Variants in ST18 observed in about 807,000 individuals in gnomAD.
ST18 encodes the protein suppression of tumorigenicity 18 protein.
In ST18, 50 loss-of-function variants were observed where a neutral mutation model predicts 110.0. That is an observed-to-expected ratio of 0.45 (90% CI 0.36 to 0.58). The LOEUF (loss-of-function observed/expected upper bound fraction) is 0.58, where lower values mean the gene tolerates loss of function less well. Among genes scored for constraint, ST18 ranks in the 20% least tolerant of loss-of-function variants. The pLI is 0.00. For missense variants in ST18, 1,306 were observed against 1,280.1 expected (o/e 1.02, Z -0.31); for synonymous variants, 461 against 452.4 (o/e 1.02, Z -0.24).
At chr8:52,311,821 TG>T (rs1199219188) in intron 2 of ST18, among the ~76,000 whole-genome samples, 1 of 152,048 alleles carries the variant, frequency 6.6e-6, no homozygotes, top group Non-Finnish European at 1.5e-5. Context: ...CCTCGACATG[TG>T]GGGATTAGGG....
At chr8:52,406,040 G>T (rs902129996) in intron 2 of ST18, 1 of 152,290 alleles carries the variant, frequency 6.6e-6, no homozygotes, top group East Asian at 1.9e-4. Flanking sequence ...TTTGCAGGCT[G>T]TCCATATTAT....
At chr8:52,288,561 G>A (rs747496435) in intron 2 of ST18, among the ~76,000 whole-genome samples, 19 of 151,738 alleles carry the variant, frequency 1.3e-4, no homozygotes, top group Non-Finnish European at 1.9e-4. Flanking sequence ...TTAGCTGGGC[G>A]TGGCGGCACT....
At chr8:52,162,799 T>C (rs2061806272) in intron 13 of ST18, among the ~76,000 whole-genome samples, 2 of 152,184 alleles carry the variant, frequency 1.3e-5, no homozygotes, top group Non-Finnish European at 1.5e-5. Context: ...TTTCAAAATT[T>C]AACAATATTA....
At chr8:52,171,633 G>T (rs982984494) in intron 10 of ST18, 159 bp downstream of exon 10, 12 of 814,652 alleles carry the variant, frequency 1.5e-5, no homozygotes, top group Middle Eastern at 4.4e-4. Flanking sequence ...TCTAGAGAGT[G>T]GGGGAAAAGA....
chr8:52,308,529 A>G (rs2095850339), intron 2 of ST18, among the ~76,000 whole-genome samples: 1 of 152,198 alleles, frequency 6.6e-6, no homozygotes, highest in Admixed American at 6.5e-5. Context: ...TGTTCTCTCC[A>G]TTCTGCTCTT....
chr8:52,212,291 C>T (rs112150641), intron 7 of ST18, among the ~76,000 whole-genome samples, 182 bp from the exon 8 acceptor site: 116 of 152,198 alleles, frequency 7.6e-4, no homozygotes, highest in African/African-American at 2.4e-3. Flanking sequence ...CAGAACAGAC[C>T]GGCTGTGGGT....
chr8:52,297,285 T>A (rs2095650206), intron 2 of ST18, among the ~76,000 whole-genome samples: 2 of 152,170 alleles, frequency 1.3e-5, no homozygotes, highest in Non-Finnish European at 2.9e-5. Flanking sequence ...CCTTTCCTCA[T>A]CTCTAAAACG....
chr8:52,227,578 C>T (rs1240573230), intron 3 of ST18, among the ~76,000 whole-genome samples: 1 of 152,102 alleles, frequency 6.6e-6, no homozygotes, highest in East Asian at 1.9e-4. Context: ...GCATTAAAGC[C>T]ATATTTTTAT....
intron 2 of ST18, among the ~76,000 whole-genome samples, chr8:52,255,512 CT>C (rs2094498107): frequency 6.6e-6 from 1 of 152,116 alleles, no homozygotes; most frequent in Non-Finnish European, 1.5e-5. Flanking sequence ...AAATATTTTC[CT>C]GAAAACTGTT....
chr8:52,329,684 G>A (rs1306050433), intron 2 of ST18, among the ~76,000 whole-genome samples: 1 of 152,104 alleles, frequency 6.6e-6, no homozygotes, highest in Non-Finnish European at 1.5e-5. Context: ...GAACCCAGGA[G>A]GCAGAGGTTG....
intron 2 of ST18, among the ~76,000 whole-genome samples, chr8:52,338,740 C>T (rs1284738681): frequency 6.6e-6 from 1 of 151,500 alleles, no homozygotes; most frequent in Non-Finnish European, 1.5e-5. Flanking sequence ...TTTTCTGTTT[C>T]TCTTTCTTTT....
chr8:52,182,224 G>C (rs565594444), intron 8 of ST18, among the ~76,000 whole-genome samples: 1 of 152,304 alleles, frequency 6.6e-6, no homozygotes, highest in South Asian at 2.1e-4. Context: ...GGATATTAAA[G>C]TGAAGATGTT....
chr8:52,144,677 A>G (rs2056587044), intron 16 of ST18, among the ~76,000 whole-genome samples: 1 of 152,126 alleles, frequency 6.6e-6, no homozygotes, highest in African/African-American at 2.4e-5. Context: ...TTACTGGTAA[A>G]TGTTTGAAAA....
At chr8:52,212,560 A>G (rs1290212875) in intron 7 of ST18, among the ~76,000 whole-genome samples, 1 of 152,202 alleles carries the variant, frequency 6.6e-6, no homozygotes, top group Non-Finnish European at 1.5e-5. Context: ...CTTCCTCCAT[A>G]TAGAAAGGGG....
At chr8:52,118,489 A>C in intron 23 of ST18, 48 bp from the exon 24 acceptor site, 5 of 1,113,198 alleles carry the variant, frequency 4.5e-6, no homozygotes, top group Non-Finnish European at 6.5e-6. Flanking sequence ...CTGTTAACAA[A>C]TGAGTCATTA....
intron 23 of ST18, among the ~76,000 whole-genome samples, chr8:52,122,652 T>G (rs1330109391): frequency 6.7e-6 from 1 of 149,832 alleles, no homozygotes; most frequent in African/African-American, 2.5e-5. Context: ...TCAGCTAATG[T>G]TTTTTTTTGT....
Position 52,161,363 on chromosome 8 carries a change from C to A in ST18, c.1594+12G>T. 6.2e-7 allele frequency: 1 copy of A among 1,611,296 alleles called. No homozygotes were observed. On this transcript the variant is annotated intron_variant, in intron 14 of 25. Transcript: ENST00000689386. ...GCATTTTGGGGAAACGGCATTAGAGCTCAAAGCTTACATTCAGGAAATGGT... is the reference window on the plus strand; with the variant it reads ...GCATTTTGGGGAAACGGCATTAGAGATCAAAGCTTACATTCAGGAAATGGT...
intron 2 of ST18, among the ~76,000 whole-genome samples, chr8:52,345,977 T>C (rs542104931): frequency 6.6e-6 from 1 of 152,084 alleles, no homozygotes; most frequent in African/African-American, 2.4e-5. Flanking sequence ...TCATTAGTTA[T>C]ATGAAAAAAT....
rs2095420847 is a variant in ST18 at position 52,283,541 on chromosome 8, C to T, written c.-464-53464G>A. Among the ~76,000 whole-genome samples the T allele has an allele frequency of 2.0e-5, 3 of 152,120 alleles. No homozygotes were observed. The South Asian group carries it at 6.2e-4, about 32-fold the overall frequency. The stretch of plus-strand genomic sequence containing the variant: ...AAAGCCCAGTTAAAAAAAAGAAAGA[C>T]ACTTCCAGAAGTCAATGGTAGTGGT... On this transcript the variant is annotated intron_variant, in intron 2 of 25. Transcript: ENST00000689386.
Sources: allele counts gnomAD v4.1 joint callset (sites outside exome capture counted in the v4.1 genomes callset), GRCh38; gene constraint gnomAD v4.1.1; transcripts MANE v1.5; gene names NCBI Gene and HGNC (gene_info 2026-07-23, HGNC 2026-07-21).